The following THADA variants were observed in gnomAD, a reference collection of about 807,000 sequenced individuals.
The protein encoded by THADA is THADA armadillo repeat containing, also known as tRNA (32-2'-O)-methyltransferase regulator THADA.
Under a neutral mutation model 219.8 loss-of-function variants are expected in THADA, and 213 were observed. The ratio of observed to expected loss-of-function variants is 0.97; its 90% CI spans 0.87 to 1.09. THADA has a LOEUF of 1.09. Ranked by LOEUF, THADA falls within the 50% of genes least tolerant of loss-of-function variation. THADA has a pLI of 0.00. For missense variants in THADA, 2,956 were observed against 2,311.3 expected (o/e 1.28, Z -5.72); for synonymous variants, 1,018 against 828.9 (o/e 1.23, Z -3.92).
intron 28 of THADA, among the ~76,000 whole-genome samples, chr2:43,409,837 T>C (rs1268568099): frequency 6.6e-6 from 1 of 151,726 alleles, no homozygotes; most frequent in Non-Finnish European, 1.5e-5. Flanking sequence ...CTGGGCAAAA[T>C]GAGACCCTGT....
chr2:43,574,476 A>G lies in THADA; in HGVS notation c.1589T>C (p.Leu530Pro), dbSNP rs1459419520. ...GTTTCCTTCACACAATATAAAAAGG[A>G]GAGGAGAAACCCAAGTCTCATGCCA... ...DQWHETWVSP[L>P]LFILCEGNLD... The change falls in exon 11 of 38, where the codon CTC (leucine) becomes CCC (proline). Residue 530 changes from leucine to proline, a missense_variant. By Grantham distance (98) the Leu-to-Pro change is moderately conservative (BLOSUM62 -3). Coordinates refer to ENST00000405975, the MANE Select transcript of THADA (RefSeq NM_022065.5). 1 of 1,613,730 alleles carries G rather than the reference A, an allele frequency of 6.2e-7. No homozygotes were observed. Among genetic ancestry groups the G allele is most frequent in the African/African-American group, 1.3e-5 (1 of 74,936 alleles).
chr2:43,549,451 C>A lies in THADA; in HGVS notation c.2948-83G>T, dbSNP rs2103868630. ...CCTTGGGGATGCTTACTCAAAAAATCTATAATTTTCAATACTTAATAATCA... is the reference window on the plus strand; with the variant it reads ...CCTTGGGGATGCTTACTCAAAAAATATATAATTTTCAATACTTAATAATCA... On this transcript the variant is annotated intron_variant, in intron 19 of 37. Coordinates refer to ENST00000405975, the MANE Select transcript of THADA (RefSeq NM_022065.5). 4 of 1,365,396 alleles carry A rather than the reference C, an allele frequency of 2.9e-6. No individual in the cohort carries two copies. The East Asian group carries it at 1.0e-4, about 36-fold the overall frequency. The allele number at this position is 1,365,396 out of a possible 1,614,324, so 84.6% of individuals were successfully genotyped here. A position where few individuals can be genotyped will look rare whatever the true frequency, so the allele number is the denominator to read the frequency against.
chr2:43,374,815 T>C (rs1213083671), intron 29 of THADA, among the ~76,000 whole-genome samples: 2 of 151,998 alleles, frequency 1.3e-5, no homozygotes, highest in East Asian at 1.9e-4. Context: ...TTAAAGTTCA[T>C]AAAATATTGA....
At chr2:43,373,965 T>C (rs1250183682) in intron 29 of THADA, among the ~76,000 whole-genome samples, 1 of 152,232 alleles carries the variant, frequency 6.6e-6, no homozygotes, top group Non-Finnish European at 1.5e-5. Flanking sequence ...CTTTATGAAA[T>C]TATACTTTAA....
At chr2:43,233,131 C>G (rs1050010372) in intron 36 of THADA, 1 of 476,492 alleles carries the variant, frequency 2.1e-6, no homozygotes, top group African/African-American at 1.9e-5. Context: ...TGGACAGAAG[C>G]AGTTCCATCT....
At chr2:43,232,474 G>A (rs1332093009) in intron 37 of THADA, among the ~76,000 whole-genome samples, 2 of 151,908 alleles carry the variant, frequency 1.3e-5, no homozygotes, top group African/African-American at 2.4e-5. Context: ...CGCTGTGCCC[G>A]GCCAGGGGCT....
chr2:43,293,566 G>A (rs1263757919), intron 31 of THADA, among the ~76,000 whole-genome samples: 1 of 152,028 alleles, frequency 6.6e-6, no homozygotes, highest in Non-Finnish European at 1.5e-5. Flanking sequence ...CTTCCTTCAG[G>A]GGTGAAGCTC....
At chr2:43,513,922 T>C (rs1227817448) in intron 22 of THADA, among the ~76,000 whole-genome samples, 1 of 151,962 alleles carries the variant, frequency 6.6e-6, no homozygotes, top group Non-Finnish European at 1.5e-5. Context: ...TAACTGGGCA[T>C]GGTGGCTCAC....
chr2:43,551,588 A>AT (rs1696746742), intron 19 of THADA, among the ~76,000 whole-genome samples: 1 of 125,948 alleles, frequency 7.9e-6, no homozygotes, highest in African/African-American at 3.7e-5. Flanking sequence ...CTGGTTTGGG[A>AT]ATTTTTTTTT....
chr2:43,369,945 T>C (rs748218746), intron 29 of THADA, among the ~76,000 whole-genome samples: 17 of 152,230 alleles, frequency 1.1e-4, no homozygotes, highest in Non-Finnish European at 2.2e-4. Flanking sequence ...GGTTTGTTGG[T>C]TGTGTCTCCC....
At chr2:43,334,148 C>T (rs1191417801) in intron 30 of THADA, among the ~76,000 whole-genome samples, 1 of 152,144 alleles carries the variant, frequency 6.6e-6, no homozygotes, top group Non-Finnish European at 1.5e-5. Context: ...CCTTCAGGAG[C>T]ACACCACTCA....
chr2:43,280,006 A>G, intron 35 of THADA, 110 bp from the exon 36 acceptor site: 2 of 1,100,222 alleles, frequency 1.8e-6, no homozygotes, highest in Non-Finnish European at 2.4e-6. Context: ...AGTTACAGCT[A>G]TCTCTTTTTT....
intron 31 of THADA, among the ~76,000 whole-genome samples, chr2:43,306,817 C>A (rs1676920676): frequency 6.6e-6 from 1 of 152,190 alleles, no homozygotes; most frequent in Non-Finnish European, 1.5e-5. Context: ...GAGTCAGGAT[C>A]CAGCTGCTTC....
chr2:43,421,989 A>G (rs1052771291), intron 28 of THADA, among the ~76,000 whole-genome samples: 2 of 152,240 alleles, frequency 1.3e-5, no homozygotes, highest in Admixed American at 1.3e-4. Context: ...CTGAACATTC[A>G]GAATCCACAG....
At chr2:43,460,813 T>C (rs1251380020) in intron 26 of THADA, among the ~76,000 whole-genome samples, 1 of 152,192 alleles carries the variant, frequency 6.6e-6, no homozygotes, top group African/African-American at 2.4e-5. Context: ...CACAGAGGAA[T>C]GCTCCAGGAA....
chr2:43,548,450 G>C (rs1326484306), intron 20 of THADA, among the ~76,000 whole-genome samples: 1 of 152,224 alleles, frequency 6.6e-6, no homozygotes, highest in Non-Finnish European at 1.5e-5. Flanking sequence ...CTTTTTGTTT[G>C]TTTGTGCCCT....
chr2:43,539,651 T>A (rs1411573678), intron 21 of THADA, among the ~76,000 whole-genome samples: 3 of 152,198 alleles, frequency 2.0e-5, no homozygotes, highest in African/African-American at 7.2e-5. Flanking sequence ...TATGTGAGGT[T>A]ACCATGTGAA....
intron 28 of THADA, among the ~76,000 whole-genome samples, chr2:43,425,676 T>G (rs1678341249): frequency 6.6e-6 from 1 of 152,220 alleles, no homozygotes; most frequent in Non-Finnish European, 1.5e-5. Flanking sequence ...TTAGAAACAC[T>G]GTTCTATAAC....
intron 29 of THADA, among the ~76,000 whole-genome samples, chr2:43,390,004 G>A (rs1021002218): frequency 1.3e-5 from 2 of 152,162 alleles, no homozygotes; most frequent in African/African-American, 4.8e-5. Flanking sequence ...ACCTGACATA[G>A]TATGTACTTA....
Sources: allele counts gnomAD v4.1 joint callset (sites outside exome capture counted in the v4.1 genomes callset), GRCh38; gene constraint gnomAD v4.1.1; transcripts MANE v1.5; gene names NCBI Gene and HGNC (gene_info 2026-07-23, HGNC 2026-07-21).